Variants in KIF19 observed in about 807,000 individuals in gnomAD.
The protein encoded by KIF19 is kinesin-like protein KIF19.
A neutral mutation model predicts 106.6 loss-of-function variants in KIF19; 98 were observed. The ratio of observed to expected loss-of-function variants is 0.92; its 90% CI spans 0.78 to 1.09. The LOEUF is 1.09. Ranked by LOEUF, KIF19 falls within the 50% of genes least tolerant of loss-of-function variation. The pLI is 0.00. For synonymous variants in KIF19, 516 were observed against 584.2 expected (o/e 0.88, Z 1.68); for missense variants, 1,373 against 1,414.3 (o/e 0.97, Z 0.47).
At chr17:74,353,619 C>G (rs377193079) in intron 17 of KIF19, 38 bp downstream of exon 17, 9 of 1,532,770 alleles carry the variant, frequency 5.9e-6, no homozygotes, top group Admixed American at 1.7e-5. Context: ...CCTCACCTGG[C>G]CTTGTCTAAA....
intron 9 of KIF19, among the ~76,000 whole-genome samples, chr17:74,348,302 A>G (rs891107238): frequency 6.6e-6 from 1 of 152,246 alleles, no homozygotes; most frequent in Non-Finnish European, 1.5e-5. Flanking sequence ...AAAAAACAGC[A>G]GTATTATTGC....
Position 74,350,586 on chromosome 17 carries a change from C to T in KIF19, c.1388+11C>T, listed in dbSNP as rs374746095. ...GCTCACCATCGCCGGGTAAGCCCCC[C>T]TCCCAGGACCCTCCAGGCCCCACCC... On this transcript the variant is annotated intron_variant, in intron 11 of 19. Coordinates refer to ENST00000389916, the MANE Select transcript of KIF19 (RefSeq NM_153209.4). The T allele has an allele frequency of 6.8e-5, 110 of 1,612,106 alleles. No homozygotes were observed. The African/African-American group carries it at 1.0e-3, about 15-fold the overall frequency.
rs895096654 is a variant in KIF19 at position 74,355,735 on chromosome 17, G to A, written c.*423G>A. 1.2e-5 allele frequency: 2 copies of A among 160,850 alleles called. No homozygotes were observed. The highest frequency in any genetic ancestry group is 6.4e-5 in the Admixed American group (1 of 15,532). The allele number at this position is 160,850 out of a possible 1,614,324, so 10.0% of individuals were successfully genotyped here. The stretch of plus-strand genomic sequence containing the variant: ...TCACGTATTACAATTGGGGATGTGG[G>A]TGAGGGAGGGAATCTGGTTTTGTTA... On this transcript the variant is annotated 3_prime_UTR_variant, in exon 20 of 20. Transcript: ENST00000389916.
At chr17:74,340,476 G>A (rs1484863993) in intron 2 of KIF19, among the ~76,000 whole-genome samples, 4 of 151,952 alleles carry the variant, frequency 2.6e-5, no homozygotes, top group East Asian at 1.9e-4. Context: ...TGGGCCCCTC[G>A]GTTACCTTTG....
At position 74,351,955 on chromosome 17, in the gene KIF19, A is replaced by G. The variant is rs899261764; in HGVS notation, c.1676A>G (p.Gln559Arg). ...TLPRRIGSEE[Q>R]REVLSLLCRV... is the part of the protein sequence containing the mutation. ...CCGCGGCGCATCGGCTCCGAGGAGC[A>G]GCGCGAGGTGCTCAGCCTGCTGTGC... The change falls in exon 13 of 20, where the codon CAG becomes CGG. Residue 559 changes from glutamine (Q) to arginine (R), a missense_variant. Transcript: ENST00000389916. 1 of 1,502,318 alleles carries G rather than the reference A, an allele frequency of 6.7e-7. No homozygotes were observed. The highest frequency in any genetic ancestry group is 8.8e-7 in the Non-Finnish European group (1 of 1,132,854). 93.1% of individuals were successfully genotyped at this position (1,502,318 alleles called of 1,614,324 possible).
rs78960098 is a variant in KIF19 at position 74,331,922 on chromosome 17, G to C, written c.120+3417G>C. On this transcript the variant is annotated intron_variant, in intron 2 of 19. Coordinates refer to ENST00000389916, the MANE Select transcript of KIF19 (RefSeq NM_153209.4). The surrounding 1 kb of genome is among the most constrained non-coding windows in gnomAD (Gnocchi z 4.1). ...ATAGTCCAGTTGCCTTGGAAGGCCA[G>C]TGATTCCAGGACCCCGTTCAATTCC... 3.3e-4 allele frequency among the ~76,000 whole-genome samples: 50 copies of C among 152,218 alleles called. 1 individual carries two copies. The East Asian group carries it at 9.5e-3, about 29-fold the overall frequency.
chr17:74,353,934 T>G (rs1161647305), intron 17 of KIF19, among the ~76,000 whole-genome samples: 1 of 152,208 alleles, frequency 6.6e-6, no homozygotes, highest in Non-Finnish European at 1.5e-5. Context: ...TTGAGCCCAT[T>G]TCCTCAATTA....
intron 2 of KIF19, among the ~76,000 whole-genome samples, chr17:74,334,871 A>G (rs952539618): frequency 3.9e-5 from 6 of 152,244 alleles, no homozygotes; most frequent in Non-Finnish European, 8.8e-5. Flanking sequence ...CTGCAGATAA[A>G]GCCAGAGCCA....
intron 2 of KIF19, among the ~76,000 whole-genome samples, chr17:74,339,705 TC>T (rs1293468682): frequency 2.0e-5 from 3 of 152,104 alleles, no homozygotes; most frequent in Non-Finnish European, 1.5e-5. Context: ...TGGCTCATTT[TC>T]CCCTGGCTAT....
chr17:74,344,845 G>T lies in KIF19; in HGVS notation c.667G>T (p.Val223Leu). ...CCAGACGTCCTCCCGCTCCCACGCG[G>T]TACTGCAGGTGACCGTGCGCCAGCG... ...ANQTSSRSHA[V>L]LQVTVRQRSR... Residue 223 changes from valine to leucine, a missense_variant, in exon 7 of 20, where the codon GTA becomes TTA. This residue lies in a region of KIF19 where 348 missense variants were observed against 389.5 expected (regional missense o/e 0.89). Transcript: ENST00000389916. The T allele has an allele frequency of 6.2e-7, 1 of 1,612,862 alleles. No individual in the cohort carries two copies. The highest frequency in any genetic ancestry group is 2.2e-5 in the East Asian group (1 of 44,884).
intron 2 of KIF19, among the ~76,000 whole-genome samples, chr17:74,337,202 A>G (rs964623416): frequency 1.3e-5 from 2 of 152,132 alleles, no homozygotes; most frequent in African/African-American, 2.4e-5. Flanking sequence ...TGGCACAATC[A>G]CCACTCCCTA....
chr17:74,353,511 C>A lies in KIF19; in HGVS notation c.2238C>A (p.Ser746Arg). The A allele has an allele frequency of 6.2e-7, 1 of 1,613,874 alleles. No individual in the cohort carries two copies. Among genetic ancestry groups the A allele is most frequent in the Non-Finnish European group, 8.5e-7 (1 of 1,179,860 alleles). Residue 746 changes from serine (S) to arginine (R), a missense_variant, in exon 17 of 20, where the codon AGC becomes AGA. Around this residue, in one of 3 missense-constraint regions of KIF19, gnomAD observed 1,020 missense variants for 1,008.2 expected, o/e 1.01. Transcript: ENST00000389916. Reference protein sequence around the residue: ...LVTQEAPAQDSLGSWINSSPD... With the variant: ...LVTQEAPAQDRLGSWINSSPD... ...CCCCACAGGCCCCGGCTCAGGACAG[C>A]CTGGGCAGCTGGATCAACTCTTCCC...
At chr17:74,345,858 C>T (rs538670872) in intron 7 of KIF19, among the ~76,000 whole-genome samples, 2 of 152,196 alleles carry the variant, frequency 1.3e-5, no homozygotes, top group African/African-American at 2.4e-5. Context: ...GCCACTGGAG[C>T]GAGCTGGTCC....
chr17:74,330,322 T>C (rs1471399688), intron 2 of KIF19, among the ~76,000 whole-genome samples: 1 of 152,260 alleles, frequency 6.6e-6, no homozygotes, highest in East Asian at 1.9e-4. Context: ...CATGATGCCT[T>C]CTTTAGAGGG....
Position 74,346,417 on chromosome 17 carries a change from A to G in KIF19, c.817A>G (p.Ile273Val). ...RGQRMKEGAH[I>V]NRSLLALGNC... ...GCAGCGTATGAAGGAGGGGGCCCAC[A>G]TCAACCGCTCACTGCTGGCACTGGG... The change falls in exon 8 of 20, where the codon ATC becomes GTC. Residue 273 changes from isoleucine to valine, a missense_variant. Around this residue, in one of 3 missense-constraint regions of KIF19, gnomAD observed 348 missense variants for 389.5 expected, o/e 0.89. Transcript: ENST00000389916. The surrounding 1 kb of genome is among the most constrained non-coding windows in gnomAD (Gnocchi z 4.6). The G allele has an allele frequency of 1.3e-6, 2 of 1,574,602 alleles. No homozygotes were observed. Among genetic ancestry groups the G allele is most frequent in the East Asian group, 2.4e-5 (1 of 42,176 alleles).
chr17:74,344,971 G>C lies in KIF19; in HGVS notation c.777+16G>C. ...CGCCTCGCAGGTGAGGCTGGGACCT[G>C]GGCTGGGCAGAGGAGGGAGGGTTGA... On this transcript the variant is annotated intron_variant, in intron 7 of 19. Transcript: ENST00000389916. 1 of 1,585,702 alleles carries C rather than the reference G, an allele frequency of 6.3e-7. No homozygotes were observed. The highest frequency in any genetic ancestry group is 8.6e-7 in the Non-Finnish European group (1 of 1,168,590).
At chr17:74,342,240 T>C (rs9915214) in intron 3 of KIF19, among the ~76,000 whole-genome samples, 143,741 of 152,292 alleles carry the variant, frequency 0.94, 67,955 homozygotes, top group Non-Finnish European at 0.97. Flanking sequence ...TGGCTCCTAC[T>C]GAGCTGGAAA....
At chr17:74,333,382 T>TTG (rs59290668) in intron 2 of KIF19, among the ~76,000 whole-genome samples, 1 of 149,256 alleles carries the variant, frequency 6.7e-6, no homozygotes, top group African/African-American at 2.5e-5. Context: ...TTTTTTTTTT[T>TTG]GAGACACAGT....
chr17:74,336,825 T>A (rs1233899507), intron 2 of KIF19, among the ~76,000 whole-genome samples: 2 of 152,032 alleles, frequency 1.3e-5, no homozygotes, highest in Admixed American at 1.3e-4. Context: ...TTTTTTTATT[T>A]GTTTGTTTTT....
Sources: allele counts gnomAD v4.1 joint callset (sites outside exome capture counted in the v4.1 genomes callset), GRCh38; gene constraint gnomAD v4.1.1; regional missense constraint gnomAD v4.1.1; non-coding constraint Gnocchi (gnomAD v3.1); transcripts MANE v1.5; gene names NCBI Gene and HGNC (gene_info 2026-07-23, HGNC 2026-07-21).